Variants in PDE4D observed in about 807,000 individuals in gnomAD.
The protein encoded by PDE4D is 3',5'-cyclic-AMP phosphodiesterase 4D.
PDE4D carries 24 observed loss-of-function variants against 87.4 expected under a neutral mutation model. The ratio of observed to expected loss-of-function variants is 0.27; its 90% CI spans 0.20 to 0.39. PDE4D has a LOEUF of 0.39. PDE4D is among the 10% of genes least tolerant of loss of function. The pLI, the probability that PDE4D is intolerant of heterozygous loss-of-function variation, is 1.00. For synonymous variants in PDE4D, 384 were observed against 383.2 expected (o/e 1.00, Z -0.02); for missense variants, 714 against 1,041.0 (o/e 0.69, Z 4.32).
At chr5:59,792,866 G>A (rs977633884) in intron 1 of PDE4D, among the ~76,000 whole-genome samples, 2 of 152,164 alleles carry the variant, frequency 1.3e-5, no homozygotes, top group African/African-American at 4.8e-5. Flanking sequence ...TTTGAGAAAA[G>A]AGTGACTGAT....
intron 1 of PDE4D, among the ~76,000 whole-genome samples, chr5:59,762,335 T>C (rs1283066645): frequency 1.4e-5 from 2 of 142,866 alleles, no homozygotes; most frequent in Non-Finnish European, 3.0e-5. Context: ...TATGCGTATA[T>C]GGGTACACAT....
intron 1 of PDE4D, among the ~76,000 whole-genome samples, chr5:59,860,030 C>A (rs956753312): frequency 6.6e-6 from 1 of 152,096 alleles, no homozygotes; most frequent in Non-Finnish European, 1.5e-5. Flanking sequence ...TACATTGCTC[C>A]ATTTTCATTG....
At chr5:60,266,991 A>G (rs984368259) in intron 1 of PDE4D, among the ~76,000 whole-genome samples, 1 of 152,230 alleles carries the variant, frequency 6.6e-6, no homozygotes, top group African/African-American at 2.4e-5. Context: ...TTCAGGGACT[A>G]TGGTGCTCTT....
chr5:60,364,983 T>A (rs1330585049), intron 1 of PDE4D, among the ~76,000 whole-genome samples: 1 of 152,192 alleles, frequency 6.6e-6, no homozygotes, highest in African/African-American at 2.4e-5. Flanking sequence ...AAATTTTTTT[T>A]AAATAACCCA....
chr5:60,299,362 T>C (rs938684432), intron 1 of PDE4D, among the ~76,000 whole-genome samples: 1 of 152,226 alleles, frequency 6.6e-6, no homozygotes, highest in African/African-American at 2.4e-5. Context: ...CTCATAGGTA[T>C]AGAAAACTAA....
At chr5:59,571,364 C>T (rs1243609198) in intron 1 of PDE4D, among the ~76,000 whole-genome samples, 1 of 152,090 alleles carries the variant, frequency 6.6e-6, no homozygotes, top group Admixed American at 6.6e-5. Context: ...GAATCTTTTG[C>T]TTGTCTTGAT....
At chr5:59,713,432 C>T (rs1163812175) in intron 1 of PDE4D, among the ~76,000 whole-genome samples, 1 of 152,134 alleles carries the variant, frequency 6.6e-6, no homozygotes, top group Non-Finnish European at 1.5e-5. Context: ...GGTATAACTA[C>T]CGGACTGACA....
intron 2 of PDE4D, among the ~76,000 whole-genome samples, chr5:60,074,325 CTG>C (rs1407762432): frequency 6.6e-6 from 1 of 152,084 alleles, no homozygotes; most frequent in African/African-American, 2.4e-5. Context: ...TTCCATGTAA[CTG>C]TATGGTTCTG....
intron 1 of PDE4D, among the ~76,000 whole-genome samples, chr5:60,404,503 C>A (rs546721519): frequency 9.9e-5 from 15 of 152,174 alleles, no homozygotes; most frequent in Non-Finnish European, 2.1e-4. Flanking sequence ...AGTAGAATTT[C>A]TGTGATGATG....
At chr5:59,801,806 C>A (rs886088259) in intron 1 of PDE4D, among the ~76,000 whole-genome samples, 65 of 152,206 alleles carry the variant, frequency 4.3e-4, no homozygotes, top group Non-Finnish European at 4.0e-4. Flanking sequence ...CAAACACTTA[C>A]CCACCAGATC....
chr5:59,142,904 G>A (rs1053735536), intron 5 of PDE4D, among the ~76,000 whole-genome samples: 2 of 152,212 alleles, frequency 1.3e-5, no homozygotes, highest in East Asian at 1.9e-4. Context: ...GTGACAGAGC[G>A]AGACTCCATC....
At chr5:59,461,045 G>A (rs1300740741) in intron 1 of PDE4D, among the ~76,000 whole-genome samples, 1 of 152,128 alleles carries the variant, frequency 6.6e-6, no homozygotes, top group Non-Finnish European at 1.5e-5. Flanking sequence ...CTCAAGCAAA[G>A]TCAGGAATGA....
At chr5:59,854,982 A>C (rs1187400501) in intron 1 of PDE4D, among the ~76,000 whole-genome samples, 3 of 152,076 alleles carry the variant, frequency 2.0e-5, no homozygotes, top group Non-Finnish European at 4.4e-5. Flanking sequence ...GAAAGGAGGG[A>C]CTTGGAGAAA....
intron 5 of PDE4D, among the ~76,000 whole-genome samples, chr5:59,042,478 T>TG (rs1759851065): frequency 6.6e-6 from 1 of 152,184 alleles, no homozygotes; most frequent in Non-Finnish European, 1.5e-5. Context: ...CATACTGCAT[T>TG]CATTAATAAA....
intron 3 of PDE4D, among the ~76,000 whole-genome samples, chr5:59,190,867 G>A (rs1561667033): frequency 6.6e-6 from 1 of 151,790 alleles, no homozygotes; most frequent in Non-Finnish European, 1.5e-5. Context: ...AATTCTAGTG[G>A]GGCTTTCCAG....
intron 1 of PDE4D, among the ~76,000 whole-genome samples, chr5:59,477,014 C>G (rs909926494): frequency 6.6e-6 from 1 of 151,856 alleles, no homozygotes; most frequent in Non-Finnish European, 1.5e-5. Context: ...ATAGGACCAA[C>G]AGTCTACAAA....
intron 1 of PDE4D, among the ~76,000 whole-genome samples, chr5:60,309,519 G>C (rs1754812367): frequency 6.6e-6 from 1 of 152,124 alleles, no homozygotes; most frequent in Non-Finnish European, 1.5e-5. Flanking sequence ...GGACACTTAG[G>C]CTTTTTCCCT....
At chr5:60,105,722 A>G (rs948863209) in intron 2 of PDE4D, among the ~76,000 whole-genome samples, 45 of 152,276 alleles carry the variant, frequency 3.0e-4, no homozygotes, top group Non-Finnish European at 6.0e-4. Context: ...ATTCTTAAAG[A>G]AAAGAATTTT....
chr5:60,058,848 A>AT (rs1771074086), intron 2 of PDE4D, among the ~76,000 whole-genome samples: 3 of 151,922 alleles, frequency 2.0e-5, no homozygotes, highest in Admixed American at 1.3e-4. Context: ...AATCTTCCTC[A>AT]TTTTTTTAAA....
Sources: gnomAD v4.1 joint callset for allele counts (sites outside exome capture counted in the v4.1 genomes callset) on GRCh38, gnomAD v4.1.1 for gene constraint, MANE v1.5 for transcripts, NCBI Gene and HGNC (gene_info 2026-07-23, HGNC 2026-07-21) for gene names.